ARPC5: variants seen among roughly 807,000 people sequenced by gnomAD.
ARPC5 encodes the protein actin related protein 2/3 complex subunit 5.
In ARPC5, 5 loss-of-function variants were observed where a neutral mutation model predicts 15.4. The ratio of observed to expected loss-of-function variants is 0.32; its 90% confidence interval spans 0.17 to 0.68. The LOEUF (loss-of-function observed/expected upper bound fraction) is 0.68. ARPC5 is among the 30% of genes least tolerant of loss of function. The pLI is 0.71. For synonymous variants in ARPC5, 85 were observed against 72.2 expected (o/e 1.18, Z -0.90); for missense variants, 138 against 192.8 (o/e 0.72, Z 1.68).
Position 183,623,321 on chromosome 1 carries a change from A to G in ARPC5, c.*4211T>C. 8.9e-7 allele frequency: 1 copy of G among 1,119,556 alleles called. No individual in the cohort carries two copies. Among genetic ancestry groups the G allele is most frequent in the East Asian group, 2.6e-5 (1 of 38,852 alleles). 69.4% of individuals were successfully genotyped at this position (1,119,556 alleles called of 1,614,324 possible). A position where few individuals can be genotyped will look rare whatever the true frequency, so the allele number is the denominator to read the frequency against. Reference sequence around the variant, plus strand: ...CTCAAGTAACAGAAATGATAAAGGAAAATAGAAATGTTAAAGTGAATGCTG... The same window carrying G: ...CTCAAGTAACAGAAATGATAAAGGAGAATAGAAATGTTAAAGTGAATGCTG... On this transcript the variant is annotated 3_prime_UTR_variant, in exon 4 of 4. Transcript: ENST00000359856.
intron 1 of ARPC5, 160 bp from the exon 2 acceptor site, chr1:183,633,314 G>T: frequency 1.9e-6 from 1 of 514,028 alleles, no homozygotes; most frequent in South Asian, 3.3e-5. Flanking sequence ...GTTAATCAAA[G>T]GCAAAATATC....
chr1:183,635,439 T>C lies in ARPC5; in HGVS notation c.143+78A>G, dbSNP rs894431873. 1.6e-5 allele frequency: 23 copies of C among 1,456,144 alleles called. 1 individual carries two copies. The Admixed American group carries it at 5.1e-4, about 32-fold the overall frequency. 90.2% of individuals were successfully genotyped at this position (1,456,144 alleles called of 1,614,324 possible). A position where few individuals can be genotyped will look rare whatever the true frequency, so the allele number is the denominator to read the frequency against. The stretch of plus-strand genomic sequence containing the variant: ...CAGCTCCGCGCCGGTGCCCCGCGGA[T>C]CCTGCAGGCTCCCGGGTCCCAGGAG... On this transcript the variant is annotated intron_variant, in intron 1 of 3. Transcript: ENST00000359856.
rs201327595 is a variant in ARPC5, at chr1:183,635,683, G to T, written c.-24C>A. ...ATCCCAATCCCGACCAGCGGCAAAG[G>T]CCTCTTCTTGGCGCTGCCTCTACCT... On this transcript the variant is annotated 5_prime_UTR_variant, in exon 1 of 4. Transcript: ENST00000359856. 5.0e-6 allele frequency: 8 copies of T among 1,605,388 alleles called. No individual in the cohort carries two copies. The Admixed American group carries it at 1.0e-4, about 20-fold the overall frequency.
chr1:183,631,070 G>A, intron 2 of ARPC5: 1 of 155,276 alleles, frequency 6.4e-6, no homozygotes, highest in Non-Finnish European at 1.4e-5. Context: ...TGGGAGTAGG[G>A]GATAAGGTAG....
intron 1 of ARPC5, among the ~76,000 whole-genome samples, chr1:183,634,125 T>C (rs1384402873): frequency 6.6e-6 from 1 of 152,186 alleles, no homozygotes; most frequent in Non-Finnish European, 1.5e-5. Context: ...TCACAAATAA[T>C]GTTTTTAGGA....
chr1:183,628,172 C>CTAAAAA (rs1649164621), intron 3 of ARPC5, among the ~76,000 whole-genome samples: 1 of 46,044 alleles, frequency 2.2e-5, no homozygotes, highest in Non-Finnish European at 4.8e-5. Flanking sequence ...GACTCCGTCT[C>CTAAAAA]AAAAAAAAAA....
Position 183,630,455 on chromosome 1 carries a change from A to G in ARPC5, c.393+6T>C, listed in dbSNP as rs1292575817. The stretch of plus-strand genomic sequence containing the variant: ...CAGTCATATAGATTTATAATTCATA[A>G]CTTACCTTTTCATGCCATTGCAGTA... On this transcript the variant is annotated splice_donor_region_variant and intron_variant, in intron 3 of 3. Coordinates refer to ENST00000359856, the MANE Select transcript of ARPC5 (RefSeq NM_005717.4). The G allele has an allele frequency of 6.3e-7, 1 of 1,596,332 alleles. No individual in the cohort carries two copies. Among genetic ancestry groups the G allele is most frequent in the East Asian group, 2.2e-5 (1 of 44,566 alleles).
intron 3 of ARPC5, among the ~76,000 whole-genome samples, chr1:183,628,074 G>A (rs1315841703): frequency 6.7e-6 from 1 of 150,178 alleles, no homozygotes; most frequent in African/African-American, 2.5e-5. Flanking sequence ...TCGGGAGGCT[G>A]AGGCAGGACA....
rs1648940215 is a variant in ARPC5 at position 183,621,673 on chromosome 1, AT to A, written c.*5858del. 1 of 152,220 alleles carries A rather than the reference AT, an allele frequency of 6.6e-6. No individual in the cohort carries two copies. Among genetic ancestry groups the A allele is most frequent in the Non-Finnish European group, 1.5e-5 (1 of 68,028 alleles). The allele number at this position is 152,220 out of a possible 1,614,324, so 9.4% of individuals were successfully genotyped here. On this transcript the variant is annotated 3_prime_UTR_variant, in exon 4 of 4. Transcript: ENST00000359856. ...TGATGATATGCTAAACAAGGGGTGT[AT>A]TATTCATGCCTCCCCTTTTTAGACC...
chr1:183,635,636 C>G lies in ARPC5; in HGVS notation c.24G>C (p.Ser8=). 2 of 1,613,252 alleles carry G rather than the reference C, an allele frequency of 1.2e-6. No individual in the cohort carries two copies. The highest frequency in any genetic ancestry group is 1.7e-6 in the Non-Finnish European group (2 of 1,179,668). The stretch of plus-strand genomic sequence containing the variant: ...CCACGTCCACCTTCCGGAAGCGGGC[C>G]GACGACACTGTGTTCTTCGACATCC... The part of the protein sequence containing the change: MSKNTVS[S]ARFRKVDVDE... Residue 8 remains serine (S), a synonymous_variant, in exon 1 of 4, where the codon TCG becomes TCC. Coordinates refer to ENST00000359856, the MANE Select transcript of ARPC5 (RefSeq NM_005717.4).
rs1649055733 is a variant in ARPC5, at chr1:183,625,108, G to C, written c.*2424C>G. The C allele has an allele frequency of 6.6e-6, 1 of 152,182 alleles. No individual in the cohort carries two copies. Among genetic ancestry groups the C allele is most frequent in the Admixed American group, 6.5e-5 (1 of 15,286 alleles). 9.4% of individuals were successfully genotyped at this position (152,182 alleles called of 1,614,324 possible). Reference sequence around the variant, plus strand: ...AGAAACCAAATAGTAAAAGCACTGAGATTAAAGGAGGAGAATGGGAGGTAA... The same window carrying C: ...AGAAACCAAATAGTAAAAGCACTGACATTAAAGGAGGAGAATGGGAGGTAA... On this transcript the variant is annotated 3_prime_UTR_variant, in exon 4 of 4. Transcript: ENST00000359856.
chr1:183,630,644 G>A lies in ARPC5; in HGVS notation c.217-7C>T. The A allele has an allele frequency of 6.2e-7, 1 of 1,607,670 alleles. No homozygotes were observed. Among genetic ancestry groups the A allele is most frequent in the Non-Finnish European group, 8.5e-7 (1 of 1,177,298 alleles). On this transcript the variant is annotated splice_polypyrimidine_tract_variant and splice_region_variant and intron_variant, in intron 2 of 3. Coordinates refer to ENST00000359856, the MANE Select transcript of ARPC5 (RefSeq NM_005717.4). ...CAATGCTGCCTGCCCGGTCCTGGTG[G>A]GTCAATAAATAACAGAACATTTAGA...
chr1:183,630,689 T>G, intron 2 of ARPC5, 52 bp from the exon 3 acceptor site: 1 of 1,530,972 alleles, frequency 6.5e-7, no homozygotes, highest in South Asian at 1.2e-5. Flanking sequence ...ATGAGGAGGG[T>G]TTAGAATTTC....
chr1:183,627,652 T>C (rs951773677), intron 3 of ARPC5, 58 bp from the exon 4 acceptor site: 70 of 1,397,960 alleles, frequency 5.0e-5, no homozygotes, highest in Middle Eastern at 1.8e-4. Context: ...ATTCTCATAT[T>C]TGGTAAAACA....
At position 183,623,185 on chromosome 1, in the gene ARPC5, G is replaced by A; in HGVS notation, c.*4347C>T. ...TTTTAGAATGCTTTGGAATTCAGGT[G>A]GGTCATACACTACTCAATTTGTGTT... On this transcript the variant is annotated 3_prime_UTR_variant, in exon 4 of 4. Transcript: ENST00000359856. The A allele has an allele frequency of 2.0e-6, 1 of 512,368 alleles. No individual in the cohort carries two copies. Among genetic ancestry groups the A allele is most frequent in the Non-Finnish European group, 3.5e-6 (1 of 283,992 alleles). The allele number at this position is 512,368 out of a possible 1,614,324, so 31.7% of individuals were successfully genotyped here.
At chr1:183,634,459 T>A (rs1225363070) in intron 1 of ARPC5, among the ~76,000 whole-genome samples, 5 of 152,358 alleles carry the variant, frequency 3.3e-5, no homozygotes, top group Admixed American at 3.3e-4. Flanking sequence ...TTGAGAGTCT[T>A]CCTTATGAAT....
chr1:183,635,444 C>T lies in ARPC5; in HGVS notation c.143+73G>A, dbSNP rs1016148842. The T allele has an allele frequency of 1.3e-5, 20 of 1,490,840 alleles. No individual in the cohort carries two copies. In the African/African-American group the frequency reaches 2.7e-4, roughly 20 times the overall value. The allele number at this position is 1,490,840 out of a possible 1,614,324, so 92.4% of individuals were successfully genotyped here. A position where few individuals can be genotyped will look rare whatever the true frequency, so the allele number is the denominator to read the frequency against. ...CCGCGCCGGTGCCCCGCGGATCCTG[C>T]AGGCTCCCGGGTCCCAGGAGAAGGG... On this transcript the variant is annotated intron_variant, in intron 1 of 3. Transcript: ENST00000359856.
chr1:183,623,521 A>AT lies in ARPC5; in HGVS notation c.*4010dup. 1 of 1,549,962 alleles carries AT rather than the reference A, an allele frequency of 6.5e-7. No individual in the cohort carries two copies. The highest frequency in any genetic ancestry group is 8.7e-7 in the Non-Finnish European group (1 of 1,146,680). ...GGTTTTCACATATTGTACTAGTGAC[A>AT]TTGGGGTGAGGGGGAGAGGGAGTGG... On this transcript the variant is annotated 3_prime_UTR_variant, in exon 4 of 4. Coordinates refer to ENST00000359856, the MANE Select transcript of ARPC5 (RefSeq NM_005717.4).
chr1:183,634,478 G>T (rs1187227658), intron 1 of ARPC5, among the ~76,000 whole-genome samples: 5 of 152,094 alleles, frequency 3.3e-5, no homozygotes, highest in Non-Finnish European at 5.9e-5. Flanking sequence ...ATACACCCAA[G>T]AATTAGAAAT....
Sources: gnomAD v4.1 joint callset for allele counts (sites outside exome capture counted in the v4.1 genomes callset) on GRCh38, gnomAD v4.1.1 for gene constraint, MANE v1.5 for transcripts, NCBI Gene and HGNC (gene_info 2026-07-23, HGNC 2026-07-21) for gene names.